Variants in MEGF11 observed in about 807,000 individuals in gnomAD.
The protein encoded by MEGF11 is multiple EGF like domains 11.
MEGF11 carries 126 observed loss-of-function variants against 146.6 expected under a neutral mutation model. That is an observed-to-expected ratio of 0.86 (90% CI 0.74 to 1.00). The LOEUF is 1.00. MEGF11 is among the 50% of genes least tolerant of loss of function. The pLI is 0.00. For synonymous variants in MEGF11, 532 were observed against 583.4 expected, an observed-to-expected ratio of 0.91 and a Z score of 1.27; for missense variants, 1,509 against 1,521.2, an observed-to-expected ratio of 0.99 and a Z score of 0.13.
intron 7 of MEGF11, among the ~76,000 whole-genome samples, chr15:65,979,751 A>G (rs1358381409): frequency 1.3e-5 from 2 of 152,192 alleles, no homozygotes; most frequent in Non-Finnish European, 2.9e-5. Flanking sequence ...TTTGCAAAAG[A>G]CTTTGGACAT....
intron 1 of MEGF11, among the ~76,000 whole-genome samples, chr15:66,173,315 T>C (rs1460304689): frequency 6.6e-6 from 1 of 152,180 alleles, no homozygotes; most frequent in Non-Finnish European, 1.5e-5. Context: ...CAATTTTTTT[T>C]TAATTTTTAT....
intron 1 of MEGF11, among the ~76,000 whole-genome samples, chr15:66,137,143 C>A (rs996156941): frequency 5.3e-5 from 8 of 152,154 alleles, no homozygotes; most frequent in African/African-American, 1.4e-4. Flanking sequence ...ATTATGCAAT[C>A]ATTAAAAATA....
At chr15:65,970,720 G>T (rs372608662) in intron 7 of MEGF11, 31 bp from the exon 8 acceptor site, 4 of 1,586,592 alleles carry the variant, frequency 2.5e-6, no homozygotes, top group Non-Finnish European at 1.7e-6. Flanking sequence ...CATGCATGGC[G>T]GTGCTCCAGA....
intron 5 of MEGF11, among the ~76,000 whole-genome samples, chr15:66,077,110 G>A (rs1472735238): frequency 6.6e-6 from 1 of 152,120 alleles, no homozygotes; most frequent in African/African-American, 2.4e-5. Flanking sequence ...AGCCCCTTGG[G>A]CTGTTGGTGT....
chr15:66,240,773 G>A (rs547602001), intron 1 of MEGF11, among the ~76,000 whole-genome samples: 2 of 152,332 alleles, frequency 1.3e-5, no homozygotes, highest in African/African-American at 2.4e-5. Flanking sequence ...AAGAGGAGAT[G>A]TCTTGCATGG....
Position 65,922,832 on chromosome 15 carries a change from A to AT in MEGF11, c.1812dup (p.Cys605MetfsTer36). On this transcript the variant is annotated frameshift_variant, in exon 14 of 26. Coordinates refer to ENST00000395614, the MANE Select transcript of MEGF11 (RefSeq NM_001385028.1). LOFTEE classifies it high-confidence loss of function. ...AGGGGATTAGCCTTACTTCTCTGGC[A>AT]TAAGGGTCCTCGGAAGCCAGGGGCA... is the stretch of plus-strand genomic sequence containing the variant. 6.2e-7 allele frequency: 1 copy of AT among 1,613,880 alleles called. No homozygotes were observed. Among genetic ancestry groups the AT allele is most frequent in the Non-Finnish European group, 8.5e-7 (1 of 1,179,842 alleles).
At chr15:66,146,281 G>A (rs2089368471) in intron 1 of MEGF11, among the ~76,000 whole-genome samples, 1 of 152,194 alleles carries the variant, frequency 6.6e-6, no homozygotes, top group Non-Finnish European at 1.5e-5. Flanking sequence ...CCTCCAGCGG[G>A]AAGGCTGTTC....
chr15:66,068,689 A>T (rs936025836), intron 5 of MEGF11, among the ~76,000 whole-genome samples: 1 of 152,054 alleles, frequency 6.6e-6, no homozygotes, highest in Non-Finnish European at 1.5e-5. Flanking sequence ...GGCCATTGTC[A>T]TGGGTTCCAG....
intron 23 of MEGF11, among the ~76,000 whole-genome samples, chr15:65,908,717 A>G (rs1349119378): frequency 6.6e-6 from 1 of 152,168 alleles, no homozygotes; most frequent in Non-Finnish European, 1.5e-5. Flanking sequence ...GCCATCCCCA[A>G]GTCATTTTTG....
intron 5 of MEGF11, among the ~76,000 whole-genome samples, chr15:66,063,587 C>G (rs1326212726): frequency 6.6e-6 from 1 of 152,298 alleles, no homozygotes; most frequent in East Asian, 1.9e-4. Context: ...TGCACGGCCT[C>G]TCCCCACAAG....
At chr15:66,080,921 G>T (rs1402680124) in intron 5 of MEGF11, among the ~76,000 whole-genome samples, 1 of 152,202 alleles carries the variant, frequency 6.6e-6, no homozygotes, top group Non-Finnish European at 1.5e-5. Flanking sequence ...AGAGCTGCAC[G>T]CGAGGAACAG....
intron 5 of MEGF11, among the ~76,000 whole-genome samples, chr15:65,990,613 A>C (rs1011950202): frequency 8.0e-5 from 11 of 137,838 alleles, no homozygotes; most frequent in African/African-American, 2.9e-4. Flanking sequence ...AAGAAAAGAA[A>C]AAAAAGAAAA....
At chr15:65,960,461 G>A (rs1019140744) in intron 9 of MEGF11, among the ~76,000 whole-genome samples, 3 of 152,244 alleles carry the variant, frequency 2.0e-5, no homozygotes, top group Admixed American at 1.3e-4. Context: ...GCCCCTTGGT[G>A]GCCCTGACGC....
intron 5 of MEGF11, among the ~76,000 whole-genome samples, chr15:66,044,850 C>CAAAAAAAAAAAAAAA (rs140901440): frequency 3.3e-5 from 3 of 90,700 alleles, no homozygotes; most frequent in African/African-American, 1.5e-4. Context: ...GACCTTATCT[C>CAAAAAAAAAAAAAAA]AAAAAAAAAA....
At chr15:66,068,179 C>T (rs1023532179) in intron 5 of MEGF11, among the ~76,000 whole-genome samples, 1 of 152,178 alleles carries the variant, frequency 6.6e-6, no homozygotes, top group Admixed American at 6.5e-5. Context: ...CTGTGAGCCC[C>T]AATAGGGCAG....
chr15:65,922,220 G>A (rs1014971989), intron 15 of MEGF11, 118 bp downstream of exon 15: 23 of 1,294,922 alleles, frequency 1.8e-5, no homozygotes, highest in African/African-American at 4.5e-5. Context: ...AAGTCCTGAA[G>A]AGGGAAGGAG....
At chr15:65,983,086 T>C (rs1328250284) in intron 5 of MEGF11, among the ~76,000 whole-genome samples, 1 of 152,164 alleles carries the variant, frequency 6.6e-6, no homozygotes, top group East Asian at 1.9e-4. Context: ...CTCCCCTGGC[T>C]CCATCTCCCT....
intron 1 of MEGF11, among the ~76,000 whole-genome samples, chr15:66,140,735 TA>T (rs896706097): frequency 2.6e-5 from 4 of 151,762 alleles, no homozygotes; most frequent in African/African-American, 9.7e-5. Context: ...GAAAAAGGAA[TA>T]GGGGTGGGGA....
At chr15:66,220,526 GTTTT>G (rs33968918) in intron 1 of MEGF11, among the ~76,000 whole-genome samples, 37 of 115,118 alleles carry the variant, frequency 3.2e-4, no homozygotes, top group Middle Eastern at 4.2e-3. Flanking sequence ...GTTTCGTTGG[GTTTT>G]TTTTTTTTTT....
Sources: allele counts gnomAD v4.1 joint callset (sites outside exome capture counted in the v4.1 genomes callset), GRCh38; gene constraint gnomAD v4.1.1; transcripts MANE v1.5; gene names NCBI Gene and HGNC (gene_info 2026-07-23, HGNC 2026-07-21).